EML1: variants seen among roughly 807,000 people sequenced by gnomAD.
The protein encoded by EML1 is echinoderm microtubule-associated protein-like 1.
A neutral mutation model predicts 110.4 loss-of-function variants in EML1; 27 were observed. That is an observed-to-expected ratio of 0.24 (90% CI 0.18 to 0.34). The LOEUF (loss-of-function observed/expected upper bound fraction) is 0.34, where lower values mean the gene tolerates loss of function less well. EML1 is among the 10% of genes least tolerant of loss of function. EML1 has a pLI of 1.00. For synonymous variants in EML1, 344 were observed against 385.8 expected (o/e 0.89, Z 1.27); for missense variants, 741 against 1,030.9 (o/e 0.72, Z 3.85).
chr14:99,787,990 A>T (rs1463464975), intron 1 of EML1, among the ~76,000 whole-genome samples: 1 of 152,148 alleles, frequency 6.6e-6, no homozygotes, highest in East Asian at 1.9e-4. Context: ...TAAGCCCATG[A>T]CATTAACTGA....
At position 99,865,514 on chromosome 14, in the gene EML1, C is replaced by A; in HGVS notation, c.251C>A (p.Ala84Glu). Reference protein sequence around the residue: ...AVLNRKGPTKARPLMQTLPLR... With the variant: ...AVLNRKGPTKERPLMQTLPLR... ...ATATTATTTTCTGCTTGTCTTACAG[C>A]AAGACCACTGATGCAGACCCTGCCT... Residue 84 changes from alanine to glutamate, a missense_variant and splice_region_variant, in exon 3 of 22, where the codon GCA (alanine) becomes GAA (glutamate). This residue lies in a region of EML1 where 226 missense variants were observed against 255.6 expected (regional missense o/e 0.88). Transcript: ENST00000262233. The A allele has an allele frequency of 6.2e-7, 1 of 1,613,848 alleles. No individual in the cohort carries two copies. Among genetic ancestry groups the A allele is most frequent in the Non-Finnish European group, 8.5e-7 (1 of 1,179,934 alleles).
chr14:99,832,051 GC>G (rs921823480), intron 1 of EML1, among the ~76,000 whole-genome samples: 26 of 151,882 alleles, frequency 1.7e-4, no homozygotes, highest in East Asian at 7.7e-4. Context: ...AGCCCTCCCT[GC>G]CCCCCTCCAC....
At chr14:99,886,527 T>C (rs1445532428) in intron 4 of EML1, among the ~76,000 whole-genome samples, 1 of 152,208 alleles carries the variant, frequency 6.6e-6, no homozygotes, top group Non-Finnish European at 1.5e-5. Flanking sequence ...TTGTTCTGGA[T>C]TAATAAATTG....
chr14:99,819,813 C>T lies in EML1; in HGVS notation c.67+26270C>T, dbSNP rs946013906. On this transcript the variant is annotated intron_variant, in intron 1 of 21. Coordinates refer to ENST00000262233, the MANE Select transcript of EML1 (RefSeq NM_004434.3). ...CAGTGAAGCGCCCAGGCCCACACCACGCAGCCAGCCTCACTGGGCTGGGGG... is the reference window on the plus strand; with the variant it reads ...CAGTGAAGCGCCCAGGCCCACACCATGCAGCCAGCCTCACTGGGCTGGGGG... 3.9e-5 allele frequency among the ~76,000 whole-genome samples: 6 copies of T among 152,364 alleles called. 1 individual carries two copies. Among genetic ancestry groups the T allele is most frequent in the Admixed American group, 1.3e-4 (2 of 15,310 alleles).
At chr14:99,897,761 C>T (rs561310548) in intron 7 of EML1, among the ~76,000 whole-genome samples, 2 of 152,210 alleles carry the variant, frequency 1.3e-5, no homozygotes, top group East Asian at 1.9e-4. Context: ...GTGGCTGAGT[C>T]GGCTCTTCCC....
At chr14:99,889,401 A>G (rs998149902) in intron 4 of EML1, among the ~76,000 whole-genome samples, 9 of 152,144 alleles carry the variant, frequency 5.9e-5, no homozygotes, top group Non-Finnish European at 1.2e-4. Flanking sequence ...GCCGCTGTCT[A>G]TTGTCCAAGG....
In EML1 at chr14:99,827,842, G is replaced by A. The variant is rs748056909; in HGVS notation, c.68-23011G>A. Among the ~76,000 whole-genome samples, 7 of 152,164 alleles carry A rather than the reference G, an allele frequency of 4.6e-5. No homozygotes were observed. Among genetic ancestry groups the A allele is most frequent in the East Asian group, 3.9e-4 (2 of 5,186 alleles). On this transcript the variant is annotated intron_variant, in intron 1 of 21. Transcript: ENST00000262233. The surrounding 1 kb of genome is among the most constrained non-coding windows in gnomAD (Gnocchi z 4.4). ...GGCAGCCCTAGCAAGCTAACATGCC[G>A]CTGTAGAGTGTGCAGACCCGCAGGC...
At chr14:99,837,340 C>T (rs1426143050) in intron 1 of EML1, among the ~76,000 whole-genome samples, 4 of 152,166 alleles carry the variant, frequency 2.6e-5, no homozygotes, top group African/African-American at 9.7e-5. Flanking sequence ...GATCACTCTT[C>T]CTCATTGTCT....
At chr14:99,891,154 C>T (rs758918358) in intron 4 of EML1, 45 bp from the exon 5 acceptor site, 7 of 1,612,992 alleles carry the variant, frequency 4.3e-6, no homozygotes, top group Admixed American at 1.7e-5. Flanking sequence ...TGAGATGAAA[C>T]ACCCACAGCA....
At chr14:99,777,916 C>G (rs763692815) in intron 1 of EML1, among the ~76,000 whole-genome samples, 10 of 152,184 alleles carry the variant, frequency 6.6e-5, no homozygotes, top group Non-Finnish European at 1.5e-4. Context: ...TCCTGAGCAG[C>G]TGAGACTACA....
chr14:99,865,380 T>G, intron 2 of EML1, 134 bp from the exon 3 acceptor site: 1 of 1,073,156 alleles, frequency 9.3e-7, no homozygotes, highest in Non-Finnish European at 1.3e-6. Context: ...GATGAAGAGT[T>G]GCTCACTCGC....
chr14:99,932,567 AGGCAGAGG>A (rs763039842), intron 17 of EML1, among the ~76,000 whole-genome samples: 24 of 150,606 alleles, frequency 1.6e-4, no homozygotes, highest in Non-Finnish European at 2.8e-4. Flanking sequence ...TGAACTCAGG[AGGCAGAGG>A]GGCAGATGTT....
At chr14:99,895,906 A>G (rs1043023439) in intron 6 of EML1, among the ~76,000 whole-genome samples, 1 of 152,076 alleles carries the variant, frequency 6.6e-6, no homozygotes, top group East Asian at 1.9e-4. Flanking sequence ...ATTCATATCA[A>G]TCAAAAAGGC....
chr14:99,896,739 G>A (rs2059676715), intron 6 of EML1, among the ~76,000 whole-genome samples: 1 of 101,652 alleles, frequency 9.8e-6, no homozygotes, highest in East Asian at 2.8e-4. Context: ...TGAGGGGCCT[G>A]ATTTTTTTTT....
At chr14:99,762,466 T>C (rs943057400) in intron 1 of EML1, among the ~76,000 whole-genome samples, 1 of 152,182 alleles carries the variant, frequency 6.6e-6, no homozygotes, top group African/African-American at 2.4e-5. Context: ...TTTGCTTGCT[T>C]GTTTTTAACC....
intron 1 of EML1, among the ~76,000 whole-genome samples, chr14:99,845,264 T>G (rs2058690024): frequency 6.6e-6 from 1 of 152,268 alleles, no homozygotes; most frequent in South Asian, 2.1e-4. Flanking sequence ...TAATGACTAA[T>G]GATGTTGAAC....
chr14:99,936,168 T>G lies in EML1; in HGVS notation c.2007+42T>G. The G allele has an allele frequency of 6.2e-7, 1 of 1,612,544 alleles. No individual in the cohort carries two copies. Among genetic ancestry groups the G allele is most frequent in the Non-Finnish European group, 8.5e-7 (1 of 1,178,630 alleles). On this transcript the variant is annotated intron_variant, in intron 18 of 21. Transcript: ENST00000262233. The surrounding 1 kb of genome is among the most constrained non-coding windows in gnomAD (Gnocchi z 5.5). ...GACCTGTCGCTTCTCATGCACTGCG[T>G]ATAGTTTAACTACCGTGGAACAGTG...
At chr14:99,920,757 A>G (rs1433104659) in intron 16 of EML1, 32 bp from the exon 17 acceptor site, 1 of 1,563,164 alleles carries the variant, frequency 6.4e-7, no homozygotes, top group African/African-American at 1.4e-5. Context: ...TTATTAAACA[A>G]CTTACTGTGC....
At chr14:99,859,911 C>G (rs1320679954) in intron 2 of EML1, among the ~76,000 whole-genome samples, 1 of 152,210 alleles carries the variant, frequency 6.6e-6, no homozygotes, top group Non-Finnish European at 1.5e-5. Flanking sequence ...ATGGCTACCA[C>G]TTCTAGGGTG....
Sources: gnomAD v4.1 joint callset for allele counts (sites outside exome capture counted in the v4.1 genomes callset) on GRCh38, gnomAD v4.1.1 for gene constraint, gnomAD v4.1.1 regional missense constraint, Gnocchi (gnomAD v3.1) non-coding constraint, MANE v1.5 for transcripts, NCBI Gene and HGNC (gene_info 2026-07-23, HGNC 2026-07-21) for gene names.